NREP: variants seen among roughly 807,000 people sequenced by gnomAD.
NREP encodes the protein neuronal regeneration related protein.
NREP carries 5 observed loss-of-function variants against 8.6 expected under a neutral mutation model. The ratio of observed to expected loss-of-function variants is 0.58; its 90% confidence interval spans 0.30 to 1.22. The LOEUF (loss-of-function observed/expected upper bound fraction) is 1.22. Among genes scored for constraint, NREP ranks in the 50% most tolerant of loss-of-function variants. The pLI is 0.07. For synonymous variants in NREP, 27 were observed against 28.0 expected, an observed-to-expected ratio of 0.96 and a Z score of 0.11; for missense variants, 86 against 82.5, an observed-to-expected ratio of 1.04 and a Z score of -0.17.
intron 2 of NREP, among the ~76,000 whole-genome samples, chr5:111,862,328 CAT>C (rs1382032590): frequency 6.6e-6 from 1 of 152,126 alleles, no homozygotes. Context: ...TTTCCAAAGA[CAT>C]ATGTCAGATA....
At chr5:111,852,067 A>T (rs1475143128) in intron 2 of NREP, among the ~76,000 whole-genome samples, 1 of 152,062 alleles carries the variant, frequency 6.6e-6, no homozygotes, top group African/African-American at 2.4e-5. Flanking sequence ...CTCCACCCTC[A>T]TGAGTGGAGT....
chr5:111,798,553 T>C (rs554089547), intron 2 of NREP, among the ~76,000 whole-genome samples: 2 of 152,252 alleles, frequency 1.3e-5, no homozygotes, highest in East Asian at 3.9e-4. Context: ...AGTCCAATAT[T>C]TCATTCTTAT....
At position 111,925,446 on chromosome 5, in the gene NREP, T is replaced by C. The variant is rs564744999; in HGVS notation, c.135+49828A>G. Among the ~76,000 whole-genome samples the C allele has an allele frequency of 3.5e-3, 530 of 152,274 alleles. 7 individuals carry two copies. The highest frequency in any genetic ancestry group is 0.012 in the African/African-American group (505 of 41,568). ...TCTAAAGCAGCCATCAGAGATTCCA[T>C]CCTTCTCCTGTGCTTCCTCTCTTTT... is the stretch of plus-strand genomic sequence containing the variant. On this transcript the variant is annotated intron_variant, in intron 2 of 3. Transcript: ENST00000395634.
chr5:111,914,861 A>G lies in NREP; in HGVS notation c.135+60413T>C, dbSNP rs143011437. ...GCTTAAACATGCAATTTTATCTGATATGAACTTAGGAATGTGCCCAAGAGT... is the reference window on the plus strand; with the variant it reads ...GCTTAAACATGCAATTTTATCTGATGTGAACTTAGGAATGTGCCCAAGAGT... On this transcript the variant is annotated intron_variant, in intron 2 of 3. Transcript: ENST00000395634. 1.7e-3 allele frequency among the ~76,000 whole-genome samples: 266 copies of G among 152,246 alleles called. 1 individual carries two copies. The highest frequency in any genetic ancestry group is 6.2e-3 in the African/African-American group (257 of 41,554).
Position 111,933,650 on chromosome 5 carries a change from G to A in NREP, c.135+41624C>T, listed in dbSNP as rs149353925. Among the ~76,000 whole-genome samples the A allele has an allele frequency of 3.8e-3, 577 of 152,138 alleles. 1 individual carries two copies. The highest frequency in any genetic ancestry group is 5.8e-3 in the Non-Finnish European group (397 of 67,966). On this transcript the variant is annotated intron_variant, in intron 2 of 3. Coordinates refer to the NREP transcript ENST00000395634. ...TCAAATTCCAGTTTTTCCCTGATAT[G>A]AGGGATTTCTTGTCTACAGCTTTCC...
intron 2 of NREP, among the ~76,000 whole-genome samples, chr5:111,927,283 T>G (rs1284609071): frequency 1.3e-5 from 2 of 152,132 alleles, no homozygotes; most frequent in Non-Finnish European, 2.9e-5. Flanking sequence ...TTCAAATTTT[T>G]TCATGAGGGA....
At chr5:111,967,769 C>T (rs1466163424) in intron 2 of NREP, among the ~76,000 whole-genome samples, 2 of 152,082 alleles carry the variant, frequency 1.3e-5, no homozygotes, top group Non-Finnish European at 2.9e-5. Flanking sequence ...TTTCTGTCTT[C>T]CCCAACTTGT....
intron 2 of NREP, among the ~76,000 whole-genome samples, chr5:111,818,783 G>C (rs1041961576): frequency 6.6e-6 from 1 of 151,888 alleles, no homozygotes. Flanking sequence ...GTAGTGGTAA[G>C]GATAAAAAAA....
intron 2 of NREP, among the ~76,000 whole-genome samples, chr5:111,966,774 C>T (rs555353320): frequency 2.0e-5 from 3 of 152,262 alleles, no homozygotes; most frequent in Admixed American, 6.5e-5. Context: ...ATAAAACTAA[C>T]AAAACTTTAA....
At chr5:111,805,973 T>A (rs760064828) in intron 2 of NREP, among the ~76,000 whole-genome samples, 107 of 152,280 alleles carry the variant, frequency 7.0e-4, no homozygotes, top group Admixed American at 1.8e-3. Context: ...TTAATTAGAT[T>A]CCACAGTGTA....
At chr5:111,746,591 TAA>T (rs1480635682) in intron 2 of NREP, among the ~76,000 whole-genome samples, 1 of 152,158 alleles carries the variant, frequency 6.6e-6, no homozygotes, top group Admixed American at 6.5e-5. Context: ...ACCCAGTCAA[TAA>T]AGACATATTT....
intron 2 of NREP, among the ~76,000 whole-genome samples, chr5:111,932,953 T>C (rs1015650042): frequency 1.3e-5 from 2 of 151,986 alleles, no homozygotes; most frequent in African/African-American, 2.4e-5. Flanking sequence ...CAAGGTCCCA[T>C]AAAGGAAACG....
chr5:111,944,740 T>C (rs768409381), intron 2 of NREP, among the ~76,000 whole-genome samples: 1 of 152,110 alleles, frequency 6.6e-6, no homozygotes, highest in Non-Finnish European at 1.5e-5. Flanking sequence ...GACTTCAAGA[T>C]TGGTATTTTC....
At chr5:111,940,525 G>A (rs1449797949) in intron 2 of NREP, among the ~76,000 whole-genome samples, 2 of 151,944 alleles carry the variant, frequency 1.3e-5, no homozygotes, top group Non-Finnish European at 2.9e-5. Flanking sequence ...CTTCCAACTG[G>A]CAAAAACGTT....
chr5:111,902,059 G>C (rs1266329975), intron 2 of NREP, among the ~76,000 whole-genome samples: 1 of 152,044 alleles, frequency 6.6e-6, no homozygotes, highest in African/African-American at 2.4e-5. Flanking sequence ...ATACTACAAA[G>C]CTACTGTAAC....
At chr5:111,918,366 T>A (rs994647522) in intron 2 of NREP, among the ~76,000 whole-genome samples, 5 of 152,104 alleles carry the variant, frequency 3.3e-5, no homozygotes, top group Non-Finnish European at 7.4e-5. Flanking sequence ...CTTTAAATTT[T>A]ATATGAAACC....
chr5:111,735,463 A>G lies in NREP; in HGVS notation c.48T>C (p.Phe16=). The change falls in exon 3 of 4, where the codon TTT becomes TTC. Residue 16 remains phenylalanine (F), a synonymous_variant. Transcript: ENST00000257435. ...GCCTTCCCTCCATGTCCTTGTTTGGAAATGGTTCTTGACTGACCCAGACAA... is the reference window on the plus strand; with the variant it reads ...GCCTTCCCTCCATGTCCTTGTTTGGGAATGGTTCTTGACTGACCCAGACAA... The part of the protein sequence containing the change: ...ELFVWVSQEP[F]PNKDMEGRLP... 1 of 1,613,312 alleles carries G rather than the reference A, an allele frequency of 6.2e-7. No homozygotes were observed. The highest frequency in any genetic ancestry group is 1.3e-5 in the African/African-American group (1 of 75,040).
chr5:111,847,329 T>G (rs1241653438), intron 2 of NREP, among the ~76,000 whole-genome samples: 1 of 151,966 alleles, frequency 6.6e-6, no homozygotes, highest in East Asian at 1.9e-4. Context: ...AGATCTTGAG[T>G]CTCTTTTTCT....
chr5:111,855,600 C>G (rs1289021156), intron 2 of NREP, among the ~76,000 whole-genome samples: 1 of 152,170 alleles, frequency 6.6e-6, no homozygotes, highest in Admixed American at 6.5e-5. Context: ...CCACCAGAGC[C>G]TGTTTGTACA....
Sources: gnomAD v4.1 joint callset for allele counts (sites outside exome capture counted in the v4.1 genomes callset) on GRCh38, gnomAD v4.1.1 for gene constraint, MANE v1.5 for transcripts, NCBI Gene and HGNC (gene_info 2026-07-23, HGNC 2026-07-21) for gene names.